Variants in GMCL1 observed in about 807,000 individuals in gnomAD.
GMCL1 encodes the protein germ cell-less 1, spermatogenesis associated.
GMCL1 carries 54 observed loss-of-function variants against 75.5 expected under a neutral mutation model. That is an observed-to-expected ratio of 0.71 (90% CI 0.57 to 0.90). GMCL1 has a LOEUF of 0.90. Among genes scored for constraint, GMCL1 ranks in the 40% least tolerant of loss-of-function variants. The pLI is 0.00. For synonymous variants in GMCL1, 210 were observed against 209.6 expected, an observed-to-expected ratio of 1.00 and a Z score of -0.02; for missense variants, 537 against 622.7, an observed-to-expected ratio of 0.86 and a Z score of 1.47.
intron 3 of GMCL1, among the ~76,000 whole-genome samples, chr2:69,839,882 A>T (rs1349158683): frequency 1.3e-5 from 2 of 152,148 alleles, no homozygotes; most frequent in Admixed American, 6.5e-5. Context: ...AATACTGATT[A>T]TTCCCTATGT....
At chr2:69,845,701 A>G (rs1321035216) in intron 6 of GMCL1, among the ~76,000 whole-genome samples, 3 of 152,216 alleles carry the variant, frequency 2.0e-5, no homozygotes. Context: ...TGATTTTGTC[A>G]TGGTCTCTTG....
At chr2:69,847,251 A>G (rs1038457283) in intron 6 of GMCL1, among the ~76,000 whole-genome samples, 1 of 152,170 alleles carries the variant, frequency 6.6e-6, no homozygotes, top group Non-Finnish European at 1.5e-5. Flanking sequence ...TAACTTGATT[A>G]ATCAGCAGAT....
intron 10 of GMCL1, 138 bp from the exon 11 acceptor site, chr2:69,864,762 A>G (rs1037657130): frequency 1.5e-5 from 9 of 597,714 alleles, no homozygotes; most frequent in Middle Eastern, 7.7e-4. Flanking sequence ...TTTAATCAAC[A>G]CTTTCTTATT....
intron 6 of GMCL1, chr2:69,844,544 CTTTTTT>C (rs34141260): frequency 7.6e-5 from 10 of 132,204 alleles, no homozygotes; most frequent in Admixed American, 1.5e-4. Flanking sequence ...CTGTTTTGGC[CTTTTTT>C]TTTTTTTTTT....
chr2:69,836,903 TCTC>T (rs1353951549), intron 1 of GMCL1, among the ~76,000 whole-genome samples: 2 of 151,876 alleles, frequency 1.3e-5, no homozygotes, highest in Non-Finnish European at 2.9e-5. Context: ...CCCTAAGACT[TCTC>T]CTTTGAGCAG....
rs561262687 is a variant in GMCL1, at chr2:69,879,824, A to C, written c.*820A>C. ...TTATTAGGTTTTGAATTATTTATGT[A>C]CCAGATATTATAGTTTTAAACATTT... On this transcript the variant is annotated 3_prime_UTR_variant, in exon 14 of 14. Coordinates refer to ENST00000282570, the MANE Select transcript of GMCL1 (RefSeq NM_178439.5). 6.6e-6 allele frequency: 1 copy of C among 152,266 alleles called. No individual in the cohort carries two copies. Among genetic ancestry groups the C allele is most frequent in the African/African-American group, 2.4e-5 (1 of 41,570 alleles). The allele number at this position is 152,266 out of a possible 1,614,324, so 9.4% of individuals were successfully genotyped here.
chr2:69,873,203 T>G (rs1238944872), intron 13 of GMCL1, among the ~76,000 whole-genome samples: 1 of 151,906 alleles, frequency 6.6e-6, no homozygotes, highest in African/African-American at 2.4e-5. Flanking sequence ...CCTCAAATGG[T>G]GAGTAAGATT....
In GMCL1 at chr2:69,841,059, G is replaced by C. The variant is rs769986066; in HGVS notation, c.579+20G>C. 6.4e-7 allele frequency: 1 copy of C among 1,552,428 alleles called. No homozygotes were observed. The highest frequency in any genetic ancestry group is 8.9e-7 in the Non-Finnish European group (1 of 1,124,630). On this transcript the variant is annotated intron_variant, in intron 4 of 13. Transcript: ENST00000282570. Reference sequence around the variant, plus strand: ...CAGTTGGTAAGTATGCACGTTATTCGAAGAAAGGTTCAGAATAATAATCTT... The same window carrying C: ...CAGTTGGTAAGTATGCACGTTATTCCAAGAAAGGTTCAGAATAATAATCTT...
chr2:69,833,459 T>C (rs556711018), intron 1 of GMCL1, among the ~76,000 whole-genome samples: 290 of 152,090 alleles, frequency 1.9e-3, no homozygotes, highest in African/African-American at 6.8e-3. Context: ...TACCAAAAAA[T>C]ACAAAAATTA....
intron 3 of GMCL1, among the ~76,000 whole-genome samples, chr2:69,839,836 AT>A (rs57110869): frequency 0.29 from 43,089 of 148,662 alleles, 7,120 homozygotes; most frequent in African/African-American, 0.44. Flanking sequence ...AAGTATGACC[AT>A]TTTTTTTTTT....
Position 69,879,151 on chromosome 2 carries a change from G to A in GMCL1, c.*147G>A. 1 of 607,970 alleles carries A rather than the reference G, an allele frequency of 1.6e-6. No homozygotes were observed. Among genetic ancestry groups the A allele is most frequent in the Non-Finnish European group, 3.0e-6 (1 of 338,688 alleles). The allele number at this position is 607,970 out of a possible 1,614,324, so 37.7% of individuals were successfully genotyped here. ...TGACTAACAATGACAAAGGCCTTAT[G>A]AACTGTACAGACAATACAGAAGATT... On this transcript the variant is annotated 3_prime_UTR_variant, in exon 14 of 14. Coordinates refer to ENST00000282570, the MANE Select transcript of GMCL1 (RefSeq NM_178439.5).
intron 6 of GMCL1, chr2:69,844,817 A>G (rs968713521): frequency 5.6e-6 from 2 of 354,016 alleles, no homozygotes; most frequent in African/African-American, 2.1e-5. Flanking sequence ...ACAAGTTACC[A>G]TGGTTCTTCA....
chr2:69,840,647 T>C (rs551466142), intron 3 of GMCL1, among the ~76,000 whole-genome samples: 2 of 152,202 alleles, frequency 1.3e-5, no homozygotes, highest in Non-Finnish European at 2.9e-5. Flanking sequence ...GAGTATCTTA[T>C]ACAACTTCTT....
chr2:69,859,144 C>CAAAAAAAAA (rs571712437), intron 9 of GMCL1, among the ~76,000 whole-genome samples: 1 of 62,664 alleles, frequency 1.6e-5, no homozygotes, highest in African/African-American at 4.6e-5. Flanking sequence ...GACTCTGTCT[C>CAAAAAAAAA]AAAAAAAAAA....
chr2:69,833,241 T>C (rs1389510277), intron 1 of GMCL1, among the ~76,000 whole-genome samples: 1 of 152,138 alleles, frequency 6.6e-6, no homozygotes, highest in Non-Finnish European at 1.5e-5. Flanking sequence ...TATCGGAAAA[T>C]GCATATCAGA....
Position 69,847,640 on chromosome 2 carries a change from T to C in GMCL1, c.843+13T>C. 6.7e-7 allele frequency: 1 copy of C among 1,483,102 alleles called. No homozygotes were observed. The highest frequency in any genetic ancestry group is 1.1e-5 in the South Asian group (1 of 88,118). 91.9% of individuals were successfully genotyped at this position (1,483,102 alleles called of 1,614,324 possible). A position where few individuals can be genotyped will look rare whatever the true frequency, so the allele number is the denominator to read the frequency against. ...TGCTCTAAAAAAGGTACTGACGTAA[T>C]ATGATGTCATATTATACAAGGATGT... is the stretch of plus-strand genomic sequence containing the variant. On this transcript the variant is annotated intron_variant, in intron 7 of 13. Transcript: ENST00000282570.
intron 11 of GMCL1, 103 bp from the exon 12 acceptor site, chr2:69,869,616 A>C: frequency 8.7e-7 from 1 of 1,145,866 alleles, no homozygotes; most frequent in Non-Finnish European, 1.2e-6. Flanking sequence ...CCCATGAGGG[A>C]AATACTTGGA....
At chr2:69,853,895 C>T (rs939840158) in intron 8 of GMCL1, among the ~76,000 whole-genome samples, 3 of 151,540 alleles carry the variant, frequency 2.0e-5, no homozygotes, top group Non-Finnish European at 4.4e-5. Context: ...CTCTGCCTCC[C>T]GGGTTTAAGC....
intron 7 of GMCL1, 130 bp from the exon 8 acceptor site, chr2:69,849,522 G>C: frequency 1.8e-6 from 1 of 566,662 alleles, no homozygotes; most frequent in Non-Finnish European, 3.1e-6. Context: ...TTTCTTTCTT[G>C]CAATTGCTGG....
Sources: allele counts gnomAD v4.1 joint callset (sites outside exome capture counted in the v4.1 genomes callset), GRCh38; gene constraint gnomAD v4.1.1; transcripts MANE v1.5; gene names NCBI Gene and HGNC (gene_info 2026-07-23, HGNC 2026-07-21).